Variants in LUZP2 observed in about 807,000 individuals in gnomAD.
LUZP2 encodes leucine zipper protein 2.
In LUZP2, 52 loss-of-function variants were observed where a neutral mutation model predicts 51.6. That is an observed-to-expected ratio of 1.01 (90% CI 0.81 to 1.27). The LOEUF (loss-of-function observed/expected upper bound fraction) is 1.27, where lower values mean the gene tolerates loss of function less well. LUZP2 is among the 50% of genes most tolerant of loss of function. LUZP2 has a pLI of 0.00. For synonymous variants in LUZP2, 154 were observed against 137.3 expected, an observed-to-expected ratio of 1.12 and a Z score of -0.85; for missense variants, 436 against 395.4, an observed-to-expected ratio of 1.10 and a Z score of -0.87.
chr11:24,913,714 A>C (rs1010939998), intron 6 of LUZP2, among the ~76,000 whole-genome samples: 2 of 150,708 alleles, frequency 1.3e-5, no homozygotes, highest in African/African-American at 2.4e-5. Context: ...TATTGGTGGT[A>C]GTAGTTTTCT....
chr11:24,515,295 C>G (rs74401320), intron 1 of LUZP2, among the ~76,000 whole-genome samples: 5,049 of 152,194 alleles, frequency 0.033, 252 homozygotes, highest in African/African-American at 0.11. Context: ...GTAACTTACT[C>G]TCTTCCTACA....
Position 25,082,571 on chromosome 11 carries a change from T to G in LUZP2, c.*3913T>G, listed in dbSNP as rs1859482660. The G allele has an allele frequency of 1.3e-5, 2 of 152,150 alleles. No homozygotes were observed. The highest frequency in any genetic ancestry group is 1.3e-4 in the Admixed American group (2 of 15,258). 9.4% of individuals were successfully genotyped at this position (152,150 alleles called of 1,614,324 possible). A position where few individuals can be genotyped will look rare whatever the true frequency, so the allele number is the denominator to read the frequency against. On this transcript the variant is annotated 3_prime_UTR_variant, in exon 12 of 12. Coordinates refer to ENST00000336930, the MANE Select transcript of LUZP2 (RefSeq NM_001009909.4). ...TTTGGATTGTGTTATATAATAACAG[T>G]CGAATGATGAAGAATAAAAGATGCT... is the stretch of plus-strand genomic sequence containing the variant.
intron 7 of LUZP2, among the ~76,000 whole-genome samples, chr11:24,947,124 A>G (rs1411170314): frequency 6.6e-6 from 1 of 152,040 alleles, no homozygotes; most frequent in Admixed American, 6.6e-5. Flanking sequence ...TAACATAAAC[A>G]GTCAATTTCC....
chr11:24,572,664 T>C (rs1852481204), intron 1 of LUZP2, among the ~76,000 whole-genome samples: 3 of 152,052 alleles, frequency 2.0e-5, no homozygotes, highest in Admixed American at 1.3e-4. Flanking sequence ...GCCTGGAGAC[T>C]GTGAGACAGC....
intron 6 of LUZP2, among the ~76,000 whole-genome samples, chr11:24,913,910 C>G (rs560471921): frequency 6.6e-6 from 1 of 152,168 alleles, no homozygotes; most frequent in South Asian, 2.1e-4. Context: ...TCAAAGCAAA[C>G]TGCTGAGAAA....
intron 1 of LUZP2, among the ~76,000 whole-genome samples, chr11:24,552,332 C>T (rs1044703310): frequency 5.3e-5 from 8 of 151,894 alleles, no homozygotes. Flanking sequence ...TAAAAATTCT[C>T]ACAAAATTAA....
At chr11:24,910,609 C>T (rs1853597586) in intron 6 of LUZP2, among the ~76,000 whole-genome samples, 1 of 152,174 alleles carries the variant, frequency 6.6e-6, no homozygotes, top group South Asian at 2.1e-4. Context: ...AGCCTGTGGG[C>T]ACACAGAAGT....
intron 9 of LUZP2, among the ~76,000 whole-genome samples, chr11:25,002,729 A>T (rs1856722477): frequency 6.6e-6 from 1 of 152,180 alleles, no homozygotes; most frequent in South Asian, 2.1e-4. Flanking sequence ...TCCAAGAGCT[A>T]TCCCTGCTCT....
chr11:24,508,413 CTTTA>C (rs2133769380), intron 1 of LUZP2, among the ~76,000 whole-genome samples: 1 of 152,228 alleles, frequency 6.6e-6, no homozygotes, highest in African/African-American at 2.4e-5. Context: ...AAGATCCTTT[CTTTA>C]AAGTTCTAAC....
intron 1 of LUZP2, among the ~76,000 whole-genome samples, chr11:24,586,916 T>C (rs1179709129): frequency 6.6e-6 from 1 of 152,128 alleles, no homozygotes; most frequent in Admixed American, 6.6e-5. Context: ...AAAGGCAAAT[T>C]ATATGTTAGG....
chr11:24,999,293 G>A (rs1036379581), intron 9 of LUZP2, among the ~76,000 whole-genome samples: 1 of 151,780 alleles, frequency 6.6e-6, no homozygotes, highest in Non-Finnish European at 1.5e-5. Context: ...ACCATGGGGA[G>A]ATACAGATAT....
chr11:25,071,581 T>A (rs556853398), intron 10 of LUZP2, among the ~76,000 whole-genome samples: 1 of 151,942 alleles, frequency 6.6e-6, no homozygotes, highest in Non-Finnish European at 1.5e-5. Flanking sequence ...TAATCTAGTT[T>A]TTCTCTTTGG....
chr11:24,823,384 A>G (rs1435668519), intron 5 of LUZP2, among the ~76,000 whole-genome samples: 2 of 142,428 alleles, frequency 1.4e-5, no homozygotes, highest in Admixed American at 7.0e-5. Context: ...AAACAAATGA[A>G]TTCAGAAAAA....
At chr11:24,646,812 G>T (rs1388819269) in intron 1 of LUZP2, among the ~76,000 whole-genome samples, 1 of 152,044 alleles carries the variant, frequency 6.6e-6, no homozygotes. Context: ...CAGAAAAGAA[G>T]TGTGAAGGAA....
chr11:24,589,080 A>G (rs2133837969), intron 1 of LUZP2, among the ~76,000 whole-genome samples: 1 of 152,210 alleles, frequency 6.6e-6, no homozygotes, highest in Non-Finnish European at 1.5e-5. Context: ...GAATGAATTT[A>G]TACCCCCAGC....
chr11:24,612,579 C>T (rs368268149), intron 1 of LUZP2, among the ~76,000 whole-genome samples: 8 of 152,142 alleles, frequency 5.3e-5, no homozygotes, highest in African/African-American at 1.9e-4. Context: ...CTCAACTTTG[C>T]TCACACACTC....
chr11:25,016,767 T>G (rs906376131), intron 9 of LUZP2, among the ~76,000 whole-genome samples: 2 of 152,128 alleles, frequency 1.3e-5, no homozygotes, highest in African/African-American at 4.8e-5. Context: ...TATGATGACT[T>G]TTTTTTCCTG....
intron 5 of LUZP2, among the ~76,000 whole-genome samples, chr11:24,827,812 C>A (rs1850587392): frequency 6.6e-6 from 1 of 152,086 alleles, no homozygotes; most frequent in Non-Finnish European, 1.5e-5. Flanking sequence ...GGCCTGTGAA[C>A]AACTCTTAGT....
chr11:24,663,298 G>A (rs981807932), intron 1 of LUZP2, among the ~76,000 whole-genome samples: 2 of 151,898 alleles, frequency 1.3e-5, no homozygotes, highest in African/African-American at 4.8e-5. Context: ...AGTTGTTTGT[G>A]GCACTTCCCC....
Sources: allele counts gnomAD v4.1 joint callset (sites outside exome capture counted in the v4.1 genomes callset), GRCh38; gene constraint gnomAD v4.1.1; transcripts MANE v1.5; gene names NCBI Gene and HGNC (gene_info 2026-07-23, HGNC 2026-07-21).